The following YJU2 variants were observed in gnomAD, a reference collection of about 807,000 sequenced individuals.
YJU2 encodes the protein YJU2 splicing factor homolog, also known as splicing factor YJU2.
Under a neutral mutation model 39.6 loss-of-function variants are expected in YJU2, and 28 were observed. The observed-to-expected ratio is 0.71, with a 90% confidence interval of 0.52 to 0.97. The LOEUF is 0.97. Among genes scored for constraint, YJU2 ranks in the 50% least tolerant of loss-of-function variants. The pLI, the probability that YJU2 is intolerant of heterozygous loss-of-function variation, is 0.00. For synonymous variants in YJU2, 184 were observed against 182.4 expected (o/e 1.01, Z -0.07); for missense variants, 328 against 430.4 (o/e 0.76, Z 2.11).
At chr19:4,262,285 G>A (rs1445522563) in intron 6 of YJU2, among the ~76,000 whole-genome samples, 171 bp downstream of exon 6, 7 of 152,092 alleles carry the variant, frequency 4.6e-5, no homozygotes, top group Admixed American at 4.6e-4. Flanking sequence ...TGCAACCTCT[G>A]CCTCCCAGGT....
intron 6 of YJU2, among the ~76,000 whole-genome samples, chr19:4,265,747 C>T (rs975868767): frequency 6.6e-6 from 1 of 151,612 alleles, no homozygotes; most frequent in South Asian, 2.1e-4. Context: ...TGCTACCACA[C>T]CTGGCTAGGT....
intron 1 of YJU2, 72 bp from the exon 2 acceptor site, chr19:4,249,156 C>G: frequency 1.9e-6 from 2 of 1,032,606 alleles, no homozygotes; most frequent in Non-Finnish European, 2.9e-6. Context: ...CTCCCCAGAG[C>G]CCCTTCCCTC....
At chr19:4,252,479 C>T (rs1268424324) in intron 3 of YJU2, among the ~76,000 whole-genome samples, 1 of 152,066 alleles carries the variant, frequency 6.6e-6, no homozygotes, top group Non-Finnish European at 1.5e-5. Flanking sequence ...TGGCGGGTGC[C>T]TGTAGTCCCA....
intron 1 of YJU2, among the ~76,000 whole-genome samples, chr19:4,248,749 T>C (rs535782794): frequency 8.9e-4 from 135 of 152,164 alleles, no homozygotes; most frequent in African/African-American, 3.2e-3. Context: ...TGAAACCCCA[T>C]CTCTACTAAA....
intron 7 of YJU2, 138 bp downstream of exon 7, chr19:4,267,912 T>C: frequency 1.5e-6 from 1 of 658,284 alleles, no homozygotes; most frequent in Non-Finnish European, 2.5e-6. Flanking sequence ...ATTAGTGGAG[T>C]GAGCAGAGAA....
intron 4 of YJU2, among the ~76,000 whole-genome samples, 172 bp from the exon 5 acceptor site, chr19:4,258,070 C>G (rs910425761): frequency 2.0e-5 from 3 of 152,210 alleles, no homozygotes; most frequent in African/African-American, 7.2e-5. Context: ...CCTGAGTGTT[C>G]TCACCTGTGA....
intron 6 of YJU2, among the ~76,000 whole-genome samples, chr19:4,267,059 CA>C (rs1265756642): frequency 1.3e-5 from 2 of 152,182 alleles, no homozygotes; most frequent in Non-Finnish European, 2.9e-5. Flanking sequence ...AACTCTTTCT[CA>C]AGGCGGCTTC....
At chr19:4,252,093 A>T (rs191300987) in intron 3 of YJU2, among the ~76,000 whole-genome samples, 370 of 152,320 alleles carry the variant, frequency 2.4e-3, no homozygotes, top group Middle Eastern at 0.01. Context: ...ACTGAAGATA[A>T]CTTAAAATTT....
In YJU2 at chr19:4,252,639, T is replaced by A. The variant is rs556373621; in HGVS notation, c.270+1468T>A. On this transcript the variant is annotated intron_variant, in intron 3 of 7. Coordinates refer to ENST00000262962, the MANE Select transcript of YJU2 (RefSeq NM_018074.6). ...AAATAAATTAATAATAATAATAATA[T>A]TTTGGCTGGGTGCAGTGGCTCACGC... 2.2e-3 allele frequency among the ~76,000 whole-genome samples: 330 copies of A among 151,524 alleles called. 1 individual carries two copies. Among genetic ancestry groups the A allele is most frequent in the African/African-American group, 7.8e-3 (323 of 41,404 alleles).
chr19:4,258,490 C>A (rs1371935395), intron 5 of YJU2, 67 bp downstream of exon 5: 2 of 1,514,316 alleles, frequency 1.3e-6, no homozygotes, highest in Non-Finnish European at 1.8e-6. Context: ...CTGCCTCTGC[C>A]CCAGACCCTT....
rs140998102 is a variant in YJU2, at chr19:4,254,310, G to T, written c.271-45G>T. On this transcript the variant is annotated intron_variant, in intron 3 of 7. Coordinates refer to ENST00000262962, the MANE Select transcript of YJU2 (RefSeq NM_018074.6). Reference sequence around the variant, plus strand: ...GCTGGTGGTACTTTAGAAGATTCTAGTGCCTGGGGATGTAGGAGCTGATGT... The same window carrying T: ...GCTGGTGGTACTTTAGAAGATTCTATTGCCTGGGGATGTAGGAGCTGATGT... 1.8e-4 allele frequency: 260 copies of T among 1,431,250 alleles called. No homozygotes were observed. In the Middle Eastern group the frequency reaches 4.5e-3, roughly 25 times the overall value. 88.7% of individuals were successfully genotyped at this position (1,431,250 alleles called of 1,614,324 possible). A position where few individuals can be genotyped will look rare whatever the true frequency, so the allele number is the denominator to read the frequency against.
chr19:4,267,716 G>C lies in YJU2; in HGVS notation c.801G>C (p.Lys267Asn), dbSNP rs200073238. The C allele has an allele frequency of 6.2e-6, 10 of 1,613,294 alleles. No homozygotes were observed. The highest frequency in any genetic ancestry group is 1.7e-4 in the Middle Eastern group (1 of 6,044). The change falls in exon 7 of 8, where the codon AAG becomes AAC. Residue 267 changes from lysine to asparagine, a missense_variant. Physicochemically the swap from Lys to Asn is moderately conservative, Grantham distance 94. Transcript: ENST00000262962. ...RPPLSRLVVVKKAKADPDCSN... is the reference protein window; with the variant it reads ...RPPLSRLVVVNKAKADPDCSN... ...CGCTGTCGAGGCTGGTCGTGGTGAA[G>C]AAGGCAAAGGCCGACCCGGACTGCA...
At chr19:4,260,240 A>G (rs1019731011) in intron 5 of YJU2, among the ~76,000 whole-genome samples, 1 of 152,106 alleles carries the variant, frequency 6.6e-6, no homozygotes, top group Non-Finnish European at 1.5e-5. Flanking sequence ...CCTGGCCAAC[A>G]TGGCGAAACC....
At chr19:4,252,598 C>T (rs914005753) in intron 3 of YJU2, among the ~76,000 whole-genome samples, 23 of 151,674 alleles carry the variant, frequency 1.5e-4, no homozygotes, top group Middle Eastern at 3.4e-3. Flanking sequence ...AGCGAGACTC[C>T]GTCTCAAAAA....
intron 3 of YJU2, among the ~76,000 whole-genome samples, chr19:4,253,238 A>AC (rs1568361072): frequency 9.1e-6 from 1 of 109,712 alleles, no homozygotes; most frequent in East Asian, 2.7e-4. Flanking sequence ...CACACACACA[A>AC]ATTTTAATTA....
chr19:4,261,935 C>G, intron 5 of YJU2, 59 bp from the exon 6 acceptor site: 1 of 1,576,222 alleles, frequency 6.3e-7, no homozygotes, highest in Non-Finnish European at 8.6e-7. Context: ...CCAGCAGGTA[C>G]ATCCCAGGCA....
At chr19:4,253,551 G>A (rs8111220) in intron 3 of YJU2, among the ~76,000 whole-genome samples, 61,314 of 151,306 alleles carry the variant, frequency 0.41, 14,247 homozygotes, top group African/African-American at 0.64. Flanking sequence ...GCTGCACTCC[G>A]GCCTGGGCAA....
rs371895116 is a variant in YJU2 at position 4,267,484 on chromosome 19, G to A, written c.709-140G>A. ...GCCTAGGGCAGTGGGGAGCCATAGA[G>A]GAGTTTAGAGCAGAGGAGGAATGTG... On this transcript the variant is annotated intron_variant, in intron 6 of 7. Coordinates refer to ENST00000262962, the MANE Select transcript of YJU2 (RefSeq NM_018074.6). 3.5e-5 allele frequency: 30 copies of A among 849,596 alleles called. No individual in the cohort carries two copies. In the East Asian group the frequency reaches 5.8e-4, roughly 17 times the overall value. The allele number at this position is 849,596 out of a possible 1,614,324, so 52.6% of individuals were successfully genotyped here. A position where few individuals can be genotyped will look rare whatever the true frequency, so the allele number is the denominator to read the frequency against.
intron 7 of YJU2, 76 bp downstream of exon 7, chr19:4,267,850 T>C: frequency 2.1e-6 from 3 of 1,401,406 alleles, no homozygotes; most frequent in Non-Finnish European, 2.9e-6. Flanking sequence ...CCTTTGCAGT[T>C]ACAGAGACTT....
Sources: gnomAD v4.1 joint callset for allele counts (sites outside exome capture counted in the v4.1 genomes callset) on GRCh38, gnomAD v4.1.1 for gene constraint, MANE v1.5 for transcripts, NCBI Gene and HGNC (gene_info 2026-07-23, HGNC 2026-07-21) for gene names.